The following NRXN1 variants were observed in gnomAD, a reference collection of about 807,000 sequenced individuals.
The protein encoded by NRXN1 is neurexin-1.
In NRXN1, 39 loss-of-function variants were observed where a neutral mutation model predicts 150.9. The ratio of observed to expected loss-of-function variants is 0.26; its 90% CI spans 0.20 to 0.34. The LOEUF is 0.34. NRXN1 is among the 10% of genes least tolerant of loss of function. The probability of loss-of-function intolerance (pLI) is 1.00; values close to 1 mark genes in which losing one functional copy is unlikely to be tolerated. For synonymous variants in NRXN1, 924 were observed against 757.0 expected (o/e 1.22, Z -3.62); for missense variants, 1,815 against 1,949.9 (o/e 0.93, Z 1.30).
rs2077932441 is a variant in NRXN1, at chr2:50,346,017, G to T, written c.3365-109047C>A. Among the ~76,000 whole-genome samples, 1 of 152,232 alleles carries T rather than the reference G, an allele frequency of 6.6e-6. No homozygotes were observed. Among genetic ancestry groups the T allele is most frequent in the South Asian group, 2.1e-4 (1 of 4,836 alleles). Reference sequence around the variant, plus strand: ...CATATATTTATGTGCAGAGTGGATGGAAGGGGAATGGTGTCCAGAGGTCCC... The same window carrying T: ...CATATATTTATGTGCAGAGTGGATGTAAGGGGAATGGTGTCCAGAGGTCCC... On this transcript the variant is annotated intron_variant, in intron 17 of 22. Transcript: ENST00000401669. This position sits in a 1 kb window ranked among gnomAD's most constrained non-coding sequence, Gnocchi z 5.0.
At chr2:50,285,827 G>C (rs775248770) in intron 17 of NRXN1, among the ~76,000 whole-genome samples, 4 of 151,044 alleles carry the variant, frequency 2.6e-5, no homozygotes, top group East Asian at 2.0e-4. Context: ...TCAATAAACG[G>C]AGTTTCATTT....
chr2:50,132,898 C>A (rs1482461257), intron 18 of NRXN1, among the ~76,000 whole-genome samples: 1 of 149,942 alleles, frequency 6.7e-6, no homozygotes, highest in African/African-American at 2.5e-5. Context: ...TCTTTCCACC[C>A]TGCTAAAATC....
At chr2:50,090,811 T>C (rs1699455367) in intron 19 of NRXN1, among the ~76,000 whole-genome samples, 1 of 152,182 alleles carries the variant, frequency 6.6e-6, no homozygotes, top group Admixed American at 6.5e-5. Context: ...TTCTTATAAC[T>C]GCTGATTTAT....
chr2:50,773,963 CT>C (rs1703308513), intron 5 of NRXN1, among the ~76,000 whole-genome samples: 1 of 152,092 alleles, frequency 6.6e-6, no homozygotes, highest in Admixed American at 6.6e-5. Flanking sequence ...CTGTCAGTAT[CT>C]AGGCTACCTA....
intron 12 of NRXN1, among the ~76,000 whole-genome samples, chr2:50,525,424 G>A (rs2092924344): frequency 6.6e-6 from 1 of 152,134 alleles, no homozygotes; most frequent in Non-Finnish European, 1.5e-5. Context: ...AAAGAAAGAG[G>A]AGGCAAGGGT....
chr2:50,666,879 ATG>A lies in NRXN1; in HGVS notation c.833-43266_833-43265del, dbSNP rs34096569. ...GATGATGATGATGATGATGATGATG[ATG>A]TGTGTGTGTGTGTGTGTGTGTGTGT... On this transcript the variant is annotated intron_variant, in intron 5 of 22. Transcript: ENST00000401669. Among the ~76,000 whole-genome samples, 168 of 107,816 alleles carry A rather than the reference ATG, an allele frequency of 1.6e-3. 1 individual carries two copies. Among genetic ancestry groups the A allele is most frequent in the Middle Eastern group, 4.9e-3 (1 of 206 alleles). 70.7% of individuals were successfully genotyped at this position (107,816 alleles called of 152,430 possible). A position where few individuals can be genotyped will look rare whatever the true frequency, so the allele number is the denominator to read the frequency against.
intron 19 of NRXN1, among the ~76,000 whole-genome samples, chr2:50,072,741 C>G (rs939013906): frequency 6.6e-6 from 1 of 152,094 alleles, no homozygotes; most frequent in Non-Finnish European, 1.5e-5. Context: ...CCAAGCCCAA[C>G]TTGGACATAT....
chr2:50,462,341 A>T (rs542515033), intron 17 of NRXN1, among the ~76,000 whole-genome samples: 56 of 152,014 alleles, frequency 3.7e-4, no homozygotes, highest in African/African-American at 1.3e-3. Flanking sequence ...GGAGAAAAAA[A>T]ATATTGCCTC....
chr2:50,941,931 A>G (rs948560610), intron 2 of NRXN1, among the ~76,000 whole-genome samples: 1 of 152,214 alleles, frequency 6.6e-6, no homozygotes, highest in African/African-American at 2.4e-5. Flanking sequence ...CATTTAGTAT[A>G]TCTTTGGGTA....
At chr2:50,525,240 T>C (rs141582143) in intron 12 of NRXN1, among the ~76,000 whole-genome samples, 4 of 152,378 alleles carry the variant, frequency 2.6e-5, no homozygotes, top group African/African-American at 9.6e-5. Flanking sequence ...GTTTCAACAA[T>C]GATTTGTTAA....
intron 17 of NRXN1, among the ~76,000 whole-genome samples, chr2:50,318,965 TAAAG>T (rs1284170596): frequency 6.6e-6 from 1 of 152,092 alleles, no homozygotes; most frequent in African/African-American, 2.4e-5. Flanking sequence ...ATTATCACAA[TAAAG>T]AAATATTTAA....
chr2:50,128,735 T>A (rs11883844), intron 18 of NRXN1, among the ~76,000 whole-genome samples: 41,966 of 151,820 alleles, frequency 0.28, 6,274 homozygotes, highest in Admixed American at 0.41. Context: ...CAATTCCAGC[T>A]CTTTGGGGGA....
At chr2:50,063,098 A>T (rs986657428) in intron 19 of NRXN1, among the ~76,000 whole-genome samples, 1 of 152,184 alleles carries the variant, frequency 6.6e-6, no homozygotes, top group South Asian at 2.1e-4. Context: ...CAGAAGGCAA[A>T]GTAATAGTTT....
intron 17 of NRXN1, among the ~76,000 whole-genome samples, chr2:50,302,927 ATCCATC>A (rs2074295662): frequency 6.6e-6 from 1 of 151,982 alleles, no homozygotes; most frequent in Non-Finnish European, 1.5e-5. Flanking sequence ...CCATCCATCC[ATCCATC>A]CATCCACCCA....
intron 17 of NRXN1, among the ~76,000 whole-genome samples, chr2:50,367,389 T>C (rs1160651798): frequency 6.6e-6 from 1 of 152,028 alleles, no homozygotes; most frequent in Non-Finnish European, 1.5e-5. Context: ...TCTTCCCAGG[T>C]AATACAACTA....
intron 5 of NRXN1, among the ~76,000 whole-genome samples, chr2:50,716,290 G>C (rs1559161412): frequency 6.6e-6 from 1 of 152,024 alleles, no homozygotes; most frequent in Admixed American, 6.6e-5. Context: ...GATTTAGAAG[G>C]CTACCACAGA....
intron 5 of NRXN1, among the ~76,000 whole-genome samples, chr2:50,793,110 G>C (rs1468088009): frequency 6.6e-6 from 1 of 152,088 alleles, no homozygotes; most frequent in Non-Finnish European, 1.5e-5. Context: ...GATACATTTT[G>C]AGATGATATG....
chr2:50,859,789 C>T lies in NRXN1; in HGVS notation c.832+62080G>A, dbSNP rs188603720. ...TTATAAATATAAATATATACACACACGCACATATTATATACACACACACAT... is the reference window on the plus strand; with the variant it reads ...TTATAAATATAAATATATACACACATGCACATATTATATACACACACACAT... On this transcript the variant is annotated intron_variant, in intron 5 of 22. Coordinates refer to ENST00000401669, the MANE Select transcript of NRXN1 (RefSeq NM_001330078.2). Among the ~76,000 whole-genome samples, 7 of 151,572 alleles carry T rather than the reference C, an allele frequency of 4.6e-5. No homozygotes were observed. In the South Asian group the frequency reaches 6.2e-4, roughly 14 times the overall value.
At chr2:50,252,697 T>C (rs1195008020) in intron 17 of NRXN1, among the ~76,000 whole-genome samples, 2 of 152,158 alleles carry the variant, frequency 1.3e-5, no homozygotes, top group Admixed American at 1.3e-4. Context: ...CATTGCATCT[T>C]TTTGTCAGGT....
Sources: allele counts gnomAD v4.1 joint callset (sites outside exome capture counted in the v4.1 genomes callset), GRCh38; gene constraint gnomAD v4.1.1; non-coding constraint Gnocchi (gnomAD v3.1); transcripts MANE v1.5; gene names NCBI Gene and HGNC (gene_info 2026-07-23, HGNC 2026-07-21).